The following TJP1 variants were observed in gnomAD, a reference collection of about 807,000 sequenced individuals.
TJP1 encodes tight junction protein ZO-1.
Under a neutral mutation model 194.2 loss-of-function variants are expected in TJP1, and 43 were observed. The ratio of observed to expected loss-of-function variants is 0.22; its 90% CI spans 0.17 to 0.29. TJP1 has a LOEUF of 0.29. TJP1 is among the 10% of genes least tolerant of loss of function. TJP1 has a pLI of 1.00. For missense variants in TJP1, 1,971 were observed against 2,185.7 expected (o/e 0.90, Z 1.96); for synonymous variants, 801 against 779.0 (o/e 1.03, Z -0.47).
At chr15:29,833,881 A>ATATATTTTTTTTTTTTTTTTTT in intron 2 of TJP1, among the ~76,000 whole-genome samples, 1 of 12,612 alleles carries the variant, frequency 7.9e-5, no homozygotes, top group Non-Finnish European at 1.4e-4. Context: ...ATATATATAT[A>ATATATTTTTTTTTTTTTTTTTT]TTTTTTTTTT....
chr15:29,759,113 G>C (rs773682312), intron 8 of TJP1: 1 of 152,140 alleles, frequency 6.6e-6, no homozygotes, highest in Non-Finnish European at 1.5e-5. Context: ...CTCCTGGCTA[G>C]GTACGCCTCC....
At chr15:29,701,920 AACTC>A (rs887304517) in intron 27 of TJP1, among the ~76,000 whole-genome samples, 134 of 152,314 alleles carry the variant, frequency 8.8e-4, no homozygotes, top group African/African-American at 3.1e-3. Flanking sequence ...CGTTCTTTCT[AACTC>A]ACACCATTAA....
At chr15:29,754,370 G>T (rs979342949) in intron 8 of TJP1, among the ~76,000 whole-genome samples, 2 of 152,108 alleles carry the variant, frequency 1.3e-5, no homozygotes, top group African/African-American at 4.8e-5. Flanking sequence ...GTCTACTTGA[G>T]GGGGGAGGGT....
At chr15:29,892,146 GT>G (rs1234292066) in intron 2 of TJP1, among the ~76,000 whole-genome samples, 53 of 152,172 alleles carry the variant, frequency 3.5e-4, no homozygotes, top group African/African-American at 1.2e-3. Context: ...TATGGAGAAA[GT>G]TTTAGTGGTC....
chr15:29,948,558 A>G (rs1014347842), intron 2 of TJP1, among the ~76,000 whole-genome samples: 2 of 152,180 alleles, frequency 1.3e-5, no homozygotes, highest in Non-Finnish European at 2.9e-5. Context: ...TATGCTTGAA[A>G]GAGAGCCACA....
Position 29,844,851 on chromosome 15 carries a change from G to A in TJP1, c.307-44149C>T, listed in dbSNP as rs377747142. Among the ~76,000 whole-genome samples the A allele has an allele frequency of 2.0e-5, 3 of 152,176 alleles. No homozygotes were observed. In the East Asian group the frequency reaches 5.8e-4, roughly 29 times the overall value. Reference sequence around the variant, plus strand: ...TTAAGATGCTATTTGAAGCCATGAGGAGGGGCTAGCTCACAAAGCAGGGTG... The same window carrying A: ...TTAAGATGCTATTTGAAGCCATGAGAAGGGGCTAGCTCACAAAGCAGGGTG... On this transcript the variant is annotated intron_variant, in intron 2 of 28. Transcript: ENST00000356107.
chr15:29,954,377 T>G (rs1232015252), intron 2 of TJP1, among the ~76,000 whole-genome samples: 1 of 152,188 alleles, frequency 6.6e-6, no homozygotes, highest in African/African-American at 2.4e-5. Context: ...ACATGTAAAA[T>G]TAATTAGTTA....
At chr15:29,854,996 A>T (rs2051792206) in intron 2 of TJP1, among the ~76,000 whole-genome samples, 1 of 152,234 alleles carries the variant, frequency 6.6e-6, no homozygotes, top group African/African-American at 2.4e-5. Flanking sequence ...ATTAATAAGC[A>T]ATCTGCAAAG....
At chr15:29,934,035 A>T (rs978963879) in intron 2 of TJP1, among the ~76,000 whole-genome samples, 7 of 152,204 alleles carry the variant, frequency 4.6e-5, no homozygotes, top group African/African-American at 1.7e-4. Context: ...GACGAAAAAA[A>T]ATCCCTCATT....
At position 29,940,295 on chromosome 15, in the gene TJP1, C is replaced by T. The variant is rs185948725; in HGVS notation, c.306+15937G>A. On this transcript the variant is annotated intron_variant, in intron 2 of 28. Coordinates refer to the TJP1 transcript ENST00000356107. ...GCCTGCCCAGAGCCAGCACACAGAG[C>T]GTGTGCCCATGTCACAGGTGGCCCT... is the stretch of plus-strand genomic sequence containing the variant. Among the ~76,000 whole-genome samples the T allele has an allele frequency of 2.7e-4, 41 of 152,274 alleles. 1 individual carries two copies. The highest frequency in any genetic ancestry group is 1.4e-3 in the East Asian group (7 of 5,172).
At chr15:29,788,231 G>C (rs182762095) in intron 2 of TJP1, among the ~76,000 whole-genome samples, 28 of 152,176 alleles carry the variant, frequency 1.8e-4, no homozygotes, top group African/African-American at 6.0e-4. Context: ...TGTATGATTT[G>C]CAAGTATCTT....
chr15:29,965,738 T>C (rs1022564625), intron 1 of TJP1, among the ~76,000 whole-genome samples: 8 of 152,004 alleles, frequency 5.3e-5, no homozygotes, highest in African/African-American at 1.9e-4. Context: ...AAGAGAAAAA[T>C]AAATCTGGCG....
Position 29,728,162 on chromosome 15 carries a change from T to C in TJP1, c.2018-143A>G, listed in dbSNP as rs1380097416. 6 of 535,914 alleles carry C rather than the reference T, an allele frequency of 1.1e-5. No individual in the cohort carries two copies. The African/African-American group carries it at 1.2e-4, about 10-fold the overall frequency. The allele number at this position is 535,914 out of a possible 1,614,324, so 33.2% of individuals were successfully genotyped here. On this transcript the variant is annotated intron_variant, in intron 15 of 27. Coordinates refer to ENST00000614355, the MANE Select transcript of TJP1 (RefSeq NM_001330239.4). ...TGTCTTATGCATGCAGTACTTAAAG[T>C]GAGTTTTAATATGCATACTTCCCTT...
chr15:29,735,420 C>T (rs1320454286), intron 11 of TJP1, among the ~76,000 whole-genome samples: 1 of 151,676 alleles, frequency 6.6e-6, no homozygotes, highest in Non-Finnish European at 1.5e-5. Context: ...GAAACCCTGC[C>T]TCTACAAAAA....
chr15:29,968,812 G>T, exon 1 of TJP1: 2 of 1,131,054 alleles, frequency 1.8e-6, no homozygotes, highest in Non-Finnish European at 2.3e-6. Context: ...CGCCGCCGCC[G>T]CAGACACAGC....
intron 2 of TJP1, among the ~76,000 whole-genome samples, chr15:29,953,163 A>T (rs1216288137): frequency 3.2e-5 from 1 of 31,250 alleles, no homozygotes; most frequent in African/African-American, 7.3e-5. Flanking sequence ...TTTTTTTGCA[A>T]CGGAGTCTCG....
intron 2 of TJP1, among the ~76,000 whole-genome samples, chr15:29,942,937 C>T (rs568356130): frequency 6.6e-6 from 1 of 152,332 alleles, no homozygotes; most frequent in South Asian, 2.1e-4. Flanking sequence ...AATCAACAAT[C>T]TTTAGCACCC....
intron 4 of TJP1, among the ~76,000 whole-genome samples, chr15:29,766,827 AG>A (rs1566983653): frequency 6.6e-6 from 1 of 152,198 alleles, no homozygotes; most frequent in Non-Finnish European, 1.5e-5. Flanking sequence ...AATAATCACA[AG>A]CTTACAGGGA....
intron 2 of TJP1, among the ~76,000 whole-genome samples, chr15:29,930,407 C>T (rs2054668536): frequency 6.6e-6 from 1 of 152,146 alleles, no homozygotes; most frequent in Non-Finnish European, 1.5e-5. Flanking sequence ...TAACACAAAA[C>T]AATATCATAC....
Sources: gnomAD v4.1 joint callset for allele counts (sites outside exome capture counted in the v4.1 genomes callset) on GRCh38, gnomAD v4.1.1 for gene constraint, MANE v1.5 for transcripts, NCBI Gene and HGNC (gene_info 2026-07-23, HGNC 2026-07-21) for gene names.